DOCK11: variants seen among roughly 807,000 people sequenced by gnomAD.
The protein encoded by DOCK11 is dedicator of cytokinesis 11.
Under a neutral mutation model 169.1 loss-of-function variants are expected in DOCK11, and 70 were observed. The ratio of observed to expected loss-of-function variants is 0.41; its 90% confidence interval spans 0.34 to 0.51. The LOEUF (loss-of-function observed/expected upper bound fraction) is 0.51, where lower values mean the gene tolerates loss of function less well. DOCK11 is among the 20% of genes least tolerant of loss of function. The pLI is 0.10. For synonymous variants in DOCK11, 529 were observed against 541.3 expected, an observed-to-expected ratio of 0.98 and a Z score of 0.32; for missense variants, 1,166 against 1,538.8, an observed-to-expected ratio of 0.76 and a Z score of 4.05.
intron 1 of DOCK11, among the ~76,000 whole-genome samples, chrX:118,521,625 T>C (rs1322058694): frequency 1.8e-5 from 2 of 112,540 alleles, no homozygotes; most frequent in Non-Finnish European, 3.7e-5. Context: ...TGACAGACTT[T>C]GTAGTTCACG....
intron 6 of DOCK11, 28 bp from the exon 7 acceptor site, chrX:118,561,355 G>A (rs1448780890): frequency 7.8e-6 from 9 of 1,147,662 alleles, no homozygotes; most frequent in South Asian, 2.2e-5. Context: ...TGTAACAAAT[G>A]TATCATTGCT....
At chrX:118,559,639 T>G (rs182830430) in intron 6 of DOCK11, among the ~76,000 whole-genome samples, 180 of 110,450 alleles carry the variant, frequency 1.6e-3, no homozygotes, top group African/African-American at 5.6e-3. Flanking sequence ...GTGGCTCACT[T>G]TTGGGAGGCT....
intron 45 of DOCK11, among the ~76,000 whole-genome samples, chrX:118,666,113 C>G (rs1470451590): frequency 9.0e-6 from 1 of 110,799 alleles, no homozygotes; most frequent in Non-Finnish European, 1.9e-5. Flanking sequence ...AAAAATTAGC[C>G]GAGCGTGGTG....
intron 1 of DOCK11, among the ~76,000 whole-genome samples, chrX:118,516,529 C>G (rs766890272): frequency 9.2e-6 from 1 of 108,636 alleles, no homozygotes; most frequent in Non-Finnish European, 1.9e-5. Context: ...GCATCCTTCT[C>G]CCCCTGAGTT....
intron 1 of DOCK11, among the ~76,000 whole-genome samples, chrX:118,504,928 C>A (rs906213730): frequency 3.5e-5 from 4 of 112,715 alleles, no homozygotes; most frequent in African/African-American, 6.4e-5. Flanking sequence ...TGCCCAGGTT[C>A]AGAGTTCAGC....
At chrX:118,593,461 A>C (rs893817243) in intron 20 of DOCK11, 124 bp downstream of exon 20, 1 of 623,660 alleles carries the variant, frequency 1.6e-6, no homozygotes, top group Non-Finnish European at 2.3e-6. Flanking sequence ...GTATTAGTTC[A>C]TTTTCATGCT....
chrX:118,523,374 G>A (rs181773374), intron 1 of DOCK11, among the ~76,000 whole-genome samples: 1 of 112,522 alleles, frequency 8.9e-6, no homozygotes, highest in Non-Finnish European at 1.9e-5. Context: ...TGGATTCTTG[G>A]TTAAATGAAT....
intron 35 of DOCK11, chrX:118,633,179 C>G (rs1248425626): frequency 1.8e-5 from 2 of 111,841 alleles, no homozygotes; most frequent in Non-Finnish European, 1.9e-5. Context: ...AGAGCTATCT[C>G]TCACTGCAAA....
At position 118,573,786 on chromosome X, in the gene DOCK11, G is replaced by A. The variant is rs768432345; in HGVS notation, c.1177-20G>A. On this transcript the variant is annotated intron_variant, in intron 11 of 52. Transcript: ENST00000276202. ...CCCACTAAAGTCTCAGTTTTAAAATGTAACTGTTTTCATTCCCAGGTTGAG... is the reference window on the plus strand; with the variant it reads ...CCCACTAAAGTCTCAGTTTTAAAATATAACTGTTTTCATTCCCAGGTTGAG... 2 of 1,180,962 alleles carry A rather than the reference G, an allele frequency of 1.7e-6. No homozygotes were observed. The highest frequency in any genetic ancestry group is 6.0e-5 in the East Asian group (2 of 33,375).
At chrX:118,605,014 CT>C (rs1162531349) in intron 23 of DOCK11, among the ~76,000 whole-genome samples, 1 of 111,928 alleles carries the variant, frequency 8.9e-6, no homozygotes, top group African/African-American at 3.2e-5. Context: ...TACTTATTAG[CT>C]TTAGTAAAGT....
intron 46 of DOCK11, among the ~76,000 whole-genome samples, chrX:118,671,842 G>A (rs984617152): frequency 8.9e-6 from 1 of 111,796 alleles, no homozygotes. Context: ...ACCACGCCCC[G>A]CTATCTTTGT....
In DOCK11 at chrX:118,620,488, T is replaced by C. The variant is rs752235023; in HGVS notation, c.3471+1760T>C. Among the ~76,000 whole-genome samples the C allele has an allele frequency of 8.0e-5, 9 of 111,988 alleles. No individual in the cohort carries two copies. In the Admixed American group the frequency reaches 8.6e-4, roughly 11 times the overall value. Reference sequence around the variant, plus strand: ...ATGTAAATCTTGCTAGTTTTCTTCATGTGATTGTATCCTAAAGTAGATTTA... The same window carrying C: ...ATGTAAATCTTGCTAGTTTTCTTCACGTGATTGTATCCTAAAGTAGATTTA... On this transcript the variant is annotated intron_variant, in intron 31 of 52. Transcript: ENST00000276202.
intron 1 of DOCK11, among the ~76,000 whole-genome samples, chrX:118,528,990 T>C (rs1168794479): frequency 5.1e-5 from 5 of 98,838 alleles, no homozygotes; most frequent in Non-Finnish European, 1.0e-4. Flanking sequence ...CTTTTTTTTC[T>C]TTTTTTTTTT....
chrX:118,683,893 T>A (rs1443433947), intron 52 of DOCK11, among the ~76,000 whole-genome samples: 1 of 112,293 alleles, frequency 8.9e-6, no homozygotes, highest in East Asian at 2.8e-4. Flanking sequence ...TTTAGACTCT[T>A]AATATTGTAT....
intron 9 of DOCK11, among the ~76,000 whole-genome samples, chrX:118,567,008 A>ATC (rs2013100399): frequency 8.9e-6 from 1 of 112,540 alleles, no homozygotes; most frequent in African/African-American, 3.2e-5. Flanking sequence ...ATGATATTTA[A>ATC]TCTATGACCA....
chrX:118,558,327 G>A (rs1235746826), intron 6 of DOCK11, among the ~76,000 whole-genome samples: 4 of 111,211 alleles, frequency 3.6e-5, no homozygotes, highest in Non-Finnish European at 7.5e-5. Context: ...TAGGTAAAAT[G>A]TGGATAATGA....
At chrX:118,630,305 A>C in intron 34 of DOCK11, 74 bp from the exon 35 acceptor site, 1 of 583,103 alleles carries the variant, frequency 1.7e-6, no homozygotes, top group Non-Finnish European at 2.7e-6. Flanking sequence ...ATCTAATGAT[A>C]AAAAAAGAGT....
chrX:118,573,806 G>A lies in DOCK11; in HGVS notation c.1177G>A (p.Val393Ile), dbSNP rs1248455594. The change falls in exon 12 of 53, where the codon GTT (valine) becomes ATT (isoleucine). Residue 393 changes from valine to isoleucine, a missense_variant and splice_region_variant. By Grantham distance (29) the Val-to-Ile change is conservative (BLOSUM62 3). Transcript: ENST00000276202. Reference protein sequence around the residue: ...GDNAKGPPTNVEPFFINLALF... With the variant: ...GDNAKGPPTNIEPFFINLALF... Reference sequence around the variant, plus strand: ...AAAATGTAACTGTTTTCATTCCCAGGTTGAGCCCTTTTTTATCAATCTTGC... The same window carrying A: ...AAAATGTAACTGTTTTCATTCCCAGATTGAGCCCTTTTTTATCAATCTTGC... 1 of 1,201,354 alleles carries A rather than the reference G, an allele frequency of 8.3e-7. No homozygotes were observed. The highest frequency in any genetic ancestry group is 1.8e-5 in the South Asian group (1 of 55,552).
intron 40 of DOCK11, among the ~76,000 whole-genome samples, chrX:118,647,791 A>G (rs1435556353): frequency 5.6e-4 from 16 of 28,487 alleles, no homozygotes; most frequent in African/African-American, 4.1e-3. Flanking sequence ...TATATAATAT[A>G]TTATAATATA....
Sources: allele counts gnomAD v4.1 joint callset (sites outside exome capture counted in the v4.1 genomes callset), GRCh38; gene constraint gnomAD v4.1.1; transcripts MANE v1.5; gene names NCBI Gene and HGNC (gene_info 2026-07-23, HGNC 2026-07-21).